ETFB: variants seen among roughly 807,000 people sequenced by gnomAD.
ETFB encodes the protein electron transfer flavoprotein subunit beta, also known as beta-ETF.
In ETFB, 20 loss-of-function variants were observed where a neutral mutation model predicts 25.6. The observed-to-expected ratio is 0.78, with a 90% CI of 0.55 to 1.14. The LOEUF is 1.14. ETFB is among the 50% of genes most tolerant of loss of function. The pLI is 0.00. For synonymous variants in ETFB, 142 were observed against 146.7 expected (o/e 0.97, Z 0.23); for missense variants, 286 against 342.6 (o/e 0.83, Z 1.30).
At chr19:51,351,271 C>T (rs1985926916) in intron 3 of ETFB, among the ~76,000 whole-genome samples, 1 of 152,242 alleles carries the variant, frequency 6.6e-6, no homozygotes, top group South Asian at 2.1e-4. Context: ...TCCTTTCTTT[C>T]TGCTGGGGTC....
intron 1 of ETFB, among the ~76,000 whole-genome samples, chr19:51,364,907 G>A (rs923993210): frequency 6.6e-6 from 1 of 152,134 alleles, no homozygotes; most frequent in Non-Finnish European, 1.5e-5. Context: ...ACAAAGGGTC[G>A]GCCAGGCACG....
chr19:51,351,105 C>T (rs1175133943), intron 3 of ETFB, among the ~76,000 whole-genome samples: 1 of 152,202 alleles, frequency 6.6e-6, no homozygotes, highest in Admixed American at 6.5e-5. Context: ...GGAGTCCCAC[C>T]CTATGTGGCC....
At chr19:51,357,708 C>T (rs892629750) in intron 1 of ETFB, among the ~76,000 whole-genome samples, 1 of 152,052 alleles carries the variant, frequency 6.6e-6, no homozygotes, top group Middle Eastern at 3.2e-3. Flanking sequence ...CCAGGCTGGT[C>T]TCGAACTCCC....
At chr19:51,347,114 A>T (rs1985816577) in intron 4 of ETFB, 56 bp from the exon 5 acceptor site, 1 of 1,585,150 alleles carries the variant, frequency 6.3e-7, no homozygotes, top group Non-Finnish European at 8.6e-7. Flanking sequence ...GTCCGACCCG[A>T]GCAGTCTGCT....
At chr19:51,351,760 G>C (rs1985938771) in intron 3 of ETFB, among the ~76,000 whole-genome samples, 1 of 152,156 alleles carries the variant, frequency 6.6e-6, no homozygotes, top group Non-Finnish European at 1.5e-5. Flanking sequence ...AGGACACCCA[G>C]TGACCTACCT....
chr19:51,350,813 A>G lies in ETFB; in HGVS notation c.376-422T>C, dbSNP rs185281608. On this transcript the variant is annotated intron_variant, in intron 3 of 5. Coordinates refer to ENST00000309244, the MANE Select transcript of ETFB (RefSeq NM_001985.3). ...CTATGGTGGAACAGATGTAGTAAAT[A>G]TCTCAGGCTCTGCAGGTCATACGGT... Among the ~76,000 whole-genome samples the G allele has an allele frequency of 5.8e-4, 88 of 152,288 alleles. 1 individual carries two copies. Among genetic ancestry groups the G allele is most frequent in the Admixed American group, 1.6e-3 (24 of 15,292 alleles).
Position 51,354,330 on chromosome 19 carries a change from G to A in ETFB, c.58-22C>T, listed in dbSNP as rs772266930. 8.1e-6 allele frequency: 13 copies of A among 1,614,148 alleles called. No individual in the cohort carries two copies. In the East Asian group the frequency reaches 2.9e-4, roughly 36 times the overall value. Reference sequence around the variant, plus strand: ...GGATCTGCCCAGCAGGAGGGGAAGGGGTGGGGTCAGGAGGAAACAGGCAAG... The same window carrying A: ...GGATCTGCCCAGCAGGAGGGGAAGGAGTGGGGTCAGGAGGAAACAGGCAAG... On this transcript the variant is annotated intron_variant, in intron 1 of 5. Transcript: ENST00000309244.
rs758905314 is a variant in ETFB at position 51,346,987 on chromosome 19, C to A, written c.510G>T (p.Leu170=). The change falls in exon 5 of 6, where the codon CTG becomes CTT. Residue 170 remains leucine (L), a synonymous_variant. Transcript: ENST00000309244. The part of the protein sequence containing the change: ...LKVEREIDGG[L]ETLRLKLPAV... ...CTGGCAGCTTCAGGCGCAGGGTCTC[C>A]AGGCCCCCATCGATCTCCCGCTCCA... 3 of 1,611,590 alleles carry A rather than the reference C, an allele frequency of 1.9e-6. No homozygotes were observed. Among genetic ancestry groups the A allele is most frequent in the Non-Finnish European group, 2.5e-6 (3 of 1,179,046 alleles).
At chr19:51,357,995 C>T (rs989689433) in intron 1 of ETFB, among the ~76,000 whole-genome samples, 2 of 152,100 alleles carry the variant, frequency 1.3e-5, no homozygotes, top group Admixed American at 6.5e-5. Context: ...GAAGATGACA[C>T]CAAAAAGGGG....
rs1160080154 is a variant in ETFB, at chr19:51,346,930, C to T, written c.567G>A (p.Glu189=). The change falls in exon 5 of 6, where the codon GAG becomes GAA. Residue 189 remains glutamate (E), a synonymous_variant. Coordinates refer to ENST00000309244, the MANE Select transcript of ETFB (RefSeq NM_001985.3). ...AVVTADLRLN[E]PRYATLPNIM... is the part of the protein sequence containing the mutation. ...TGTTGGGCAGCGTGGCGTAGCGGGGCTCGTTGAGCCTCAGGTCAGCTGTCA... is the reference window on the plus strand; with the variant it reads ...TGTTGGGCAGCGTGGCGTAGCGGGGTTCGTTGAGCCTCAGGTCAGCTGTCA... 1.3e-6 allele frequency: 2 copies of T among 1,570,748 alleles called. No individual in the cohort carries two copies. The highest frequency in any genetic ancestry group is 2.7e-5 in the African/African-American group (2 of 73,912).
At chr19:51,347,801 C>T (rs1014225361) in intron 4 of ETFB, 1 of 152,266 alleles carries the variant, frequency 6.6e-6, no homozygotes, top group African/African-American at 2.4e-5. Context: ...CCCCTGGAGA[C>T]ACACTGTGAA....
chr19:51,366,376 G>A lies in ETFB; in HGVS notation c.-50C>T. The stretch of plus-strand genomic sequence containing the variant: ...GTCAGCCCGCACCCTCAGCGGCTCA[G>A]TCCAGAAGCCCCACCACCCCCGCCC... On this transcript the variant is annotated 5_prime_UTR_variant, in exon 1 of 6. Transcript: ENST00000309244. 3 of 1,575,354 alleles carry A rather than the reference G, an allele frequency of 1.9e-6. No individual in the cohort carries two copies. The highest frequency in any genetic ancestry group is 2.6e-6 in the Non-Finnish European group (3 of 1,155,750).
chr19:51,349,808 C>G (rs1974822), intron 4 of ETFB, among the ~76,000 whole-genome samples: 132,202 of 152,010 alleles, frequency 0.87, 58,045 homozygotes, highest in African/African-American at 0.94. Context: ...AGTGCAGTGG[C>G]GTGCGATCTT....
At chr19:51,349,055 T>G (rs1435951282) in intron 4 of ETFB, among the ~76,000 whole-genome samples, 1 of 152,182 alleles carries the variant, frequency 6.6e-6, no homozygotes, top group Non-Finnish European at 1.5e-5. Flanking sequence ...AACCATTCCG[T>G]TTTTTTAGTT....
At chr19:51,352,976 ACT>A (rs1177542017) in intron 3 of ETFB, among the ~76,000 whole-genome samples, 154 bp downstream of exon 3, 3 of 151,718 alleles carry the variant, frequency 2.0e-5, no homozygotes, top group Non-Finnish European at 4.4e-5. Flanking sequence ...CCCTGCTCAA[ACT>A]CTCTGTCAGA....
intron 2 of ETFB, 111 bp from the exon 3 acceptor site, chr19:51,353,401 T>C (rs1985980184): frequency 1.1e-6 from 1 of 886,568 alleles, no homozygotes; most frequent in Non-Finnish European, 1.7e-6. Flanking sequence ...CATCCCCTCC[T>C]TCCTCAGACC....
Position 51,353,260 on chromosome 19 carries a change from C to T in ETFB, c.247G>A (p.Ala83Thr), listed in dbSNP as rs1352787179. 2 of 1,614,060 alleles carry T rather than the reference C, an allele frequency of 1.2e-6. No homozygotes were observed. The highest frequency in any genetic ancestry group is 3.3e-5 in the Admixed American group (2 of 60,028). ...ETIRTALAMG[A>T]DRGIHVEVPP... The stretch of plus-strand genomic sequence containing the variant: ...ACCTCCACGTGGATACCTCGGTCTG[C>T]ACCCATGGCCAGGGCGGTACGAATC... The change falls in exon 3 of 6, where the codon GCA (alanine) becomes ACA (threonine). Residue 83 changes from alanine (A) to threonine (T), a missense_variant. Coordinates refer to ENST00000309244, the MANE Select transcript of ETFB (RefSeq NM_001985.3).
intron 1 of ETFB, 123 bp downstream of exon 1, chr19:51,366,147 C>T: frequency 1.0e-6 from 1 of 970,426 alleles, no homozygotes; most frequent in East Asian, 2.5e-5. Context: ...GTGACTTTGA[C>T]GTTTGGGGGT....
intron 1 of ETFB, among the ~76,000 whole-genome samples, chr19:51,360,494 T>C (rs1986194520): frequency 1.3e-5 from 2 of 152,224 alleles, no homozygotes; most frequent in African/African-American, 2.4e-5. Context: ...CATTAACTCG[T>C]TTGACCATCC....
Sources: allele counts gnomAD v4.1 joint callset (sites outside exome capture counted in the v4.1 genomes callset), GRCh38; gene constraint gnomAD v4.1.1; transcripts MANE v1.5; gene names NCBI Gene and HGNC (gene_info 2026-07-23, HGNC 2026-07-21).